PARD3: variants seen among roughly 807,000 people sequenced by gnomAD.
PARD3 encodes par-3 family cell polarity regulator, also known as partitioning defective 3 homolog.
PARD3 carries 75 observed loss-of-function variants against 155.4 expected under a neutral mutation model. The observed-to-expected ratio is 0.48, with a 90% CI of 0.40 to 0.58. The LOEUF (loss-of-function observed/expected upper bound fraction) is 0.58. Ranked by LOEUF, PARD3 falls within the 20% of genes least tolerant of loss-of-function variation. PARD3 has a pLI of 0.00. For synonymous variants in PARD3, 576 were observed against 610.5 expected (o/e 0.94, Z 0.83); for missense variants, 1,642 against 1,721.7 (o/e 0.95, Z 0.82).
chr10:34,542,674 G>A (rs2083732571), intron 2 of PARD3, among the ~76,000 whole-genome samples: 1 of 152,098 alleles, frequency 6.6e-6, no homozygotes, highest in Admixed American at 6.5e-5. Context: ...GCCTCTTAAT[G>A]GGCATTGTTA....
In PARD3 at chr10:34,520,281, T is replaced by C. The variant is rs571823626; in HGVS notation, c.223-3122A>G. ...GCTCAGAAACCTGCTGACGTATAGA[T>C]AGAATCAGCTGATTAAACAATCTGG... is the stretch of plus-strand genomic sequence containing the variant. On this transcript the variant is annotated intron_variant, in intron 2 of 24. Coordinates refer to ENST00000374788, the MANE Select transcript of PARD3 (RefSeq NM_001184785.2). Among the ~76,000 whole-genome samples, 5 of 152,216 alleles carry C rather than the reference T, an allele frequency of 3.3e-5. No homozygotes were observed. In the South Asian group the frequency reaches 8.3e-4, roughly 25 times the overall value.
chr10:34,468,599 G>A (rs1432324505), intron 4 of PARD3, among the ~76,000 whole-genome samples: 1 of 152,140 alleles, frequency 6.6e-6, no homozygotes, highest in Non-Finnish European at 1.5e-5. Context: ...TAATCTTAAT[G>A]AGAAGATCTT....
At position 34,772,792 on chromosome 10, in the gene PARD3, TAAAAA is replaced by T. The variant is rs555582256; in HGVS notation, c.120+42079_120+42083del. 4.4e-5 allele frequency among the ~76,000 whole-genome samples: 4 copies of T among 90,314 alleles called. No homozygotes were observed. In the South Asian group the frequency reaches 1.1e-3, roughly 24 times the overall value. 59.2% of individuals were successfully genotyped at this position (90,314 alleles called of 152,430 possible). ...CTGGGTGACACAGCAAGACTCCATC[TAAAAA>T]AAAAAAAAAAAAAAAAAAACTATTT... is the stretch of plus-strand genomic sequence containing the variant. On this transcript the variant is annotated intron_variant, in intron 1 of 24. Coordinates refer to ENST00000374788, the MANE Select transcript of PARD3 (RefSeq NM_001184785.2).
At chr10:34,682,571 T>G (rs941990848) in intron 2 of PARD3, among the ~76,000 whole-genome samples, 2 of 152,128 alleles carry the variant, frequency 1.3e-5, no homozygotes, top group Non-Finnish European at 2.9e-5. Flanking sequence ...TTTTAAATCC[T>G]CAGGCCAGGT....
intron 2 of PARD3, among the ~76,000 whole-genome samples, chr10:34,612,327 C>G (rs2090972431): frequency 6.6e-6 from 1 of 151,792 alleles, no homozygotes; most frequent in Admixed American, 6.6e-5. Flanking sequence ...AATATACCAC[C>G]AAAATATTGA....
intron 20 of PARD3, among the ~76,000 whole-genome samples, chr10:34,301,899 C>G (rs998724532): frequency 6.8e-6 from 1 of 146,470 alleles, no homozygotes; most frequent in Non-Finnish European, 1.5e-5. Context: ...CTATATGTCT[C>G]TGTCCCTACG....
intron 16 of PARD3, among the ~76,000 whole-genome samples, chr10:34,338,407 C>T (rs966868876): frequency 5.3e-5 from 8 of 152,188 alleles, no homozygotes; most frequent in Admixed American, 2.6e-4. Flanking sequence ...CTGTGCTGGG[C>T]ACATTGGGTA....
intron 2 of PARD3, among the ~76,000 whole-genome samples, chr10:34,628,414 G>C (rs565355599): frequency 6.6e-6 from 1 of 152,296 alleles, no homozygotes; most frequent in African/African-American, 2.4e-5. Flanking sequence ...TTAGGTGAAG[G>C]CTCAGCACAT....
chr10:34,440,692 A>C (rs1279171627), intron 5 of PARD3, among the ~76,000 whole-genome samples: 2 of 152,074 alleles, frequency 1.3e-5, no homozygotes, highest in Non-Finnish European at 1.5e-5. Flanking sequence ...TAGGCCAAAG[A>C]AGCAATAAAT....
chr10:34,419,683 T>A (rs928092073), intron 5 of PARD3, among the ~76,000 whole-genome samples: 1 of 152,222 alleles, frequency 6.6e-6, no homozygotes, highest in Non-Finnish European at 1.5e-5. Context: ...TCATAAAATA[T>A]TTAATTAGTG....
At chr10:34,367,712 TAC>T (rs754791954) in intron 12 of PARD3, among the ~76,000 whole-genome samples, 1 of 151,714 alleles carries the variant, frequency 6.6e-6, no homozygotes, top group Admixed American at 6.6e-5. Flanking sequence ...CACACACACA[TAC>T]ACACACACAA....
At chr10:34,558,775 C>A (rs1289959693) in intron 2 of PARD3, among the ~76,000 whole-genome samples, 1 of 152,138 alleles carries the variant, frequency 6.6e-6, no homozygotes, top group Non-Finnish European at 1.5e-5. Flanking sequence ...TCTCAAACCC[C>A]GTCTCCACTA....
chr10:34,602,839 A>G (rs2132514166), intron 2 of PARD3, among the ~76,000 whole-genome samples: 1 of 152,296 alleles, frequency 6.6e-6, no homozygotes, highest in South Asian at 2.1e-4. Flanking sequence ...CCTTCACTAT[A>G]TATCCTCTTG....
intron 2 of PARD3, among the ~76,000 whole-genome samples, chr10:34,572,932 T>C (rs566459020): frequency 6.6e-6 from 1 of 152,288 alleles, no homozygotes; most frequent in Non-Finnish European, 1.5e-5. Flanking sequence ...TTAAATAATA[T>C]CTTATTTTCT....
At chr10:34,519,361 C>T (rs1046627025) in intron 2 of PARD3, among the ~76,000 whole-genome samples, 4 of 152,060 alleles carry the variant, frequency 2.6e-5, no homozygotes, top group Admixed American at 2.6e-4. Context: ...TATGGAAATA[C>T]TCTGTAACTA....
At chr10:34,636,819 C>A (rs866671583) in intron 2 of PARD3, among the ~76,000 whole-genome samples, 1 of 152,084 alleles carries the variant, frequency 6.6e-6, no homozygotes, top group African/African-American at 2.4e-5. Context: ...CAGCTGCACA[C>A]GACAGCAATG....
At chr10:34,573,931 T>C (rs1291847281) in intron 2 of PARD3, among the ~76,000 whole-genome samples, 2 of 152,184 alleles carry the variant, frequency 1.3e-5, no homozygotes, top group African/African-American at 4.8e-5. Context: ...AGGCATTTGT[T>C]TCCAGTTTAG....
At position 34,266,053 on chromosome 10, in the gene PARD3, G is replaced by C. The variant is rs140732418; in HGVS notation, c.3419+3604C>G. On this transcript the variant is annotated intron_variant, in intron 22 of 24. Transcript: ENST00000374788. ...CACATTAAGTTAATGTTGTTCATTTGAAGGTAATGGCTTTGCCATTTTTGT... is the reference window on the plus strand; with the variant it reads ...CACATTAAGTTAATGTTGTTCATTTCAAGGTAATGGCTTTGCCATTTTTGT... Among the ~76,000 whole-genome samples, 53 of 152,318 alleles carry C rather than the reference G, an allele frequency of 3.5e-4. 1 individual carries two copies. The East Asian group carries it at 9.8e-3, about 28-fold the overall frequency.
chr10:34,532,083 T>G (rs1295279514), intron 2 of PARD3, among the ~76,000 whole-genome samples: 4 of 152,166 alleles, frequency 2.6e-5, no homozygotes, highest in Non-Finnish European at 5.9e-5. Flanking sequence ...TCTTTATGGT[T>G]ACTTACATTT....
Sources: gnomAD v4.1 joint callset for allele counts (sites outside exome capture counted in the v4.1 genomes callset) on GRCh38, gnomAD v4.1.1 for gene constraint, MANE v1.5 for transcripts, NCBI Gene and HGNC (gene_info 2026-07-23, HGNC 2026-07-21) for gene names.